The following CCDC171 variants were observed in gnomAD, a reference collection of about 807,000 sequenced individuals.
The protein encoded by CCDC171 is coiled-coil domain containing 171, also known as coiled-coil domain-containing protein 171.
In CCDC171, 177 loss-of-function variants were observed where a neutral mutation model predicts 168.2. The ratio of observed to expected loss-of-function variants is 1.05; its 90% confidence interval spans 0.93 to 1.19. CCDC171 has a LOEUF of 1.19. Ranked by LOEUF, CCDC171 falls within the 50% of genes most tolerant of loss-of-function variation. CCDC171 has a pLI of 0.00. For synonymous variants in CCDC171, 687 were observed against 540.8 expected, an observed-to-expected ratio of 1.27 and a Z score of -3.75; for missense variants, 1,991 against 1,539.0, an observed-to-expected ratio of 1.29 and a Z score of -4.91.
At chr9:15,932,782 T>C (rs1589163761) in intron 25 of CCDC171, among the ~76,000 whole-genome samples, 1 of 152,130 alleles carries the variant, frequency 6.6e-6, no homozygotes, top group East Asian at 1.9e-4. Context: ...ATACCTTCTA[T>C]TCCTCACTTG....
chr9:15,932,856 A>G lies in CCDC171; in HGVS notation c.3753+12434A>G, dbSNP rs1046062514. ...TCCTTTTTCTGTGTCTATTGAAATG[A>G]TCATATTTTGTCTTTATGTTAATGT... On this transcript the variant is annotated intron_variant, in intron 25 of 25. Transcript: ENST00000380701. 2.0e-5 allele frequency among the ~76,000 whole-genome samples: 3 copies of G among 151,946 alleles called. No homozygotes were observed. In the South Asian group the frequency reaches 6.2e-4, roughly 31 times the overall value.
At chr9:15,824,288 A>C (rs1390511658) in intron 21 of CCDC171, among the ~76,000 whole-genome samples, 2 of 152,028 alleles carry the variant, frequency 1.3e-5, no homozygotes, top group African/African-American at 4.8e-5. Context: ...ATATAAAATA[A>C]AATTTATATA....
intron 21 of CCDC171, among the ~76,000 whole-genome samples, chr9:15,800,701 A>G (rs1360559276): frequency 2.6e-5 from 4 of 152,012 alleles, no homozygotes; most frequent in Admixed American, 1.3e-4. Context: ...CCAATTTCCT[A>G]GAGAGTTTCC....
chr9:15,753,442 T>C (rs2055892837), intron 18 of CCDC171, among the ~76,000 whole-genome samples: 1 of 152,192 alleles, frequency 6.6e-6, no homozygotes, highest in South Asian at 2.1e-4. Context: ...TTTTCCATTA[T>C]TCATATCGGA....
intron 21 of CCDC171, among the ~76,000 whole-genome samples, chr9:15,787,340 A>C (rs904055961): frequency 3.9e-5 from 6 of 152,128 alleles, no homozygotes; most frequent in African/African-American, 1.4e-4. Flanking sequence ...TGTCTAGCTG[A>C]AACTTTGTAC....
At chr9:15,593,362 C>T (rs1033724577) in intron 5 of CCDC171, among the ~76,000 whole-genome samples, 6 of 151,996 alleles carry the variant, frequency 3.9e-5, no homozygotes, top group Non-Finnish European at 7.4e-5. Context: ...GATACTAAAC[C>T]GAATTAGATC....
chr9:15,922,112 A>T lies in CCDC171; in HGVS notation c.3753+1690A>T, dbSNP rs140380941. On this transcript the variant is annotated intron_variant, in intron 25 of 25. Transcript: ENST00000380701. The stretch of plus-strand genomic sequence containing the variant: ...TTTCCCCTTTGAACATATCTACAGG[A>T]TACATTCATCATTTCATTTAGAAGA... 3.1e-4 allele frequency: 114 copies of T among 367,728 alleles called. 1 individual carries two copies. In the Middle Eastern group the frequency reaches 0.011, roughly 35 times the overall value. 22.8% of individuals were successfully genotyped at this position (367,728 alleles called of 1,614,324 possible).
intron 9 of CCDC171, among the ~76,000 whole-genome samples, chr9:15,676,144 C>T (rs71513241): frequency 1.3e-5 from 2 of 152,034 alleles, no homozygotes; most frequent in Non-Finnish European, 2.9e-5. Flanking sequence ...CACTGATATC[C>T]TTTCTTCCAC....
intron 18 of CCDC171, among the ~76,000 whole-genome samples, chr9:15,754,369 T>A (rs1376341221): frequency 2.6e-5 from 4 of 152,140 alleles, no homozygotes; most frequent in African/African-American, 4.8e-5. Flanking sequence ...AATGAAGATA[T>A]TATCTTCCTC....
intron 11 of CCDC171, among the ~76,000 whole-genome samples, chr9:15,718,106 C>T (rs1299126243): frequency 6.6e-6 from 1 of 152,154 alleles, no homozygotes; most frequent in Admixed American, 6.5e-5. Context: ...GAGTCTGCTG[C>T]CCTGAAGGAT....
intron 24 of CCDC171, among the ~76,000 whole-genome samples, chr9:15,919,932 A>G (rs925949621): frequency 6.6e-6 from 1 of 151,646 alleles, no homozygotes; most frequent in Non-Finnish European, 1.5e-5. Flanking sequence ...CTCTCTTAAG[A>G]TGGAAATTTA....
At chr9:15,966,891 G>T (rs1417874823) in intron 25 of CCDC171, among the ~76,000 whole-genome samples, 2 of 106,300 alleles carry the variant, frequency 1.9e-5, no homozygotes, top group Non-Finnish European at 3.7e-5. Flanking sequence ...AGATGTGTGT[G>T]TGTGTATATA....
chr9:15,992,728 TA>T (rs1180987972), intron 3 of CCDC171, among the ~76,000 whole-genome samples: 1 of 152,176 alleles, frequency 6.6e-6, no homozygotes, highest in Middle Eastern at 3.2e-3. Context: ...CTTAAGCTGA[TA>T]AGCAACTTCA....
chr9:15,629,269 G>C (rs1346626101), intron 7 of CCDC171, among the ~76,000 whole-genome samples: 1 of 152,102 alleles, frequency 6.6e-6, no homozygotes, highest in Non-Finnish European at 1.5e-5. Flanking sequence ...AGGCAAAGAA[G>C]TTGAAAACTT....
intron 25 of CCDC171, among the ~76,000 whole-genome samples, chr9:15,927,535 T>A (rs1263049181): frequency 6.6e-6 from 1 of 151,796 alleles, no homozygotes; most frequent in Non-Finnish European, 1.5e-5. Context: ...TTAAGCAGTA[T>A]GTTTTTAATT....
chr9:15,793,551 GTTTTTTTTTTTTTT>G (rs3082839), intron 21 of CCDC171, among the ~76,000 whole-genome samples: 7 of 77,056 alleles, frequency 9.1e-5, no homozygotes, highest in African/African-American at 3.9e-4. Context: ...TTATTCCAAG[GTTTTTTTTTTTTTT>G]TTTTTTTTTT....
At chr9:15,902,829 C>A (rs1043458357) in intron 24 of CCDC171, among the ~76,000 whole-genome samples, 5 of 152,212 alleles carry the variant, frequency 3.3e-5, no homozygotes, top group Non-Finnish European at 5.9e-5. Context: ...GGGTCACTCC[C>A]ACCCTAATAC....
chr9:15,641,805 G>C (rs375458856), intron 7 of CCDC171, among the ~76,000 whole-genome samples: 1 of 152,158 alleles, frequency 6.6e-6, no homozygotes, highest in Non-Finnish European at 1.5e-5. Context: ...GTACATTGCT[G>C]TAGGAAAGGA....
At chr9:16,014,321 C>T (rs1343769138) in intron 3 of CCDC171, among the ~76,000 whole-genome samples, 6 of 152,162 alleles carry the variant, frequency 3.9e-5, no homozygotes, top group Non-Finnish European at 8.8e-5. Flanking sequence ...TCTTCAGGTT[C>T]CGTTTCTAAT....
Sources: gnomAD v4.1 joint callset for allele counts (sites outside exome capture counted in the v4.1 genomes callset) on GRCh38, gnomAD v4.1.1 for gene constraint, MANE v1.5 for transcripts, NCBI Gene and HGNC (gene_info 2026-07-23, HGNC 2026-07-21) for gene names.